The following RGS17 variants were observed in gnomAD, a reference collection of about 807,000 sequenced individuals.
The protein encoded by RGS17 is regulator of G-protein signaling 17.
RGS17 carries 12 observed loss-of-function variants against 25.5 expected under a neutral mutation model. The ratio of observed to expected loss-of-function variants is 0.47; its 90% CI spans 0.30 to 0.76. The LOEUF is 0.76. Among genes scored for constraint, RGS17 ranks in the 30% least tolerant of loss-of-function variants. The pLI is 0.07. For synonymous variants in RGS17, 71 were observed against 76.9 expected (o/e 0.92, Z 0.40); for missense variants, 196 against 242.2 (o/e 0.81, Z 1.27).
intron 1 of RGS17, among the ~76,000 whole-genome samples, chr6:153,102,105 C>T (rs1019236182): frequency 1.3e-5 from 2 of 152,186 alleles, no homozygotes; most frequent in Non-Finnish European, 2.9e-5. Flanking sequence ...TCTGCACAGT[C>T]TTCTATTAAG....
chr6:153,128,113 A>G (rs1007544759), intron 1 of RGS17, among the ~76,000 whole-genome samples: 1 of 152,200 alleles, frequency 6.6e-6, no homozygotes, highest in African/African-American at 2.4e-5. Flanking sequence ...ACCTATAGCA[A>G]AGGATTATTT....
chr6:153,120,500 T>C (rs1170541092), intron 1 of RGS17, among the ~76,000 whole-genome samples: 1 of 152,206 alleles, frequency 6.6e-6, no homozygotes, highest in Non-Finnish European at 1.5e-5. Context: ...TGCCTTTTGC[T>C]GTTTCTCAGT....
chr6:153,094,918 A>ACT (rs1777187831), intron 1 of RGS17, among the ~76,000 whole-genome samples: 1 of 117,072 alleles, frequency 8.5e-6, no homozygotes, highest in Non-Finnish European at 1.9e-5. Context: ...TTATAATTAC[A>ACT]TTCACAATAT....
chr6:153,066,217 C>T (rs767564180), intron 1 of RGS17, among the ~76,000 whole-genome samples: 18 of 152,128 alleles, frequency 1.2e-4, no homozygotes, highest in Non-Finnish European at 1.9e-4. Flanking sequence ...CAACCTACCA[C>T]GATTGAACCA....
chr6:153,023,461 T>C, intron 4 of RGS17: 1 of 396,910 alleles, frequency 2.5e-6, no homozygotes, highest in Non-Finnish European at 5.2e-6. Context: ...CCTGGCCACA[T>C]TATTAACCAC....
intron 1 of RGS17, among the ~76,000 whole-genome samples, chr6:153,058,308 A>T (rs1478790821): frequency 6.6e-6 from 1 of 152,144 alleles, no homozygotes; most frequent in African/African-American, 2.4e-5. Context: ...CATTTCACTT[A>T]TATGGTGGGA....
intron 4 of RGS17, among the ~76,000 whole-genome samples, chr6:153,017,406 C>T (rs1269904964): frequency 1.3e-5 from 2 of 151,908 alleles, no homozygotes; most frequent in Non-Finnish European, 2.9e-5. Flanking sequence ...GGAGGTAAAG[C>T]GAGGAGAATG....
At chr6:153,115,019 C>G (rs1427984193) in intron 1 of RGS17, among the ~76,000 whole-genome samples, 1 of 152,114 alleles carries the variant, frequency 6.6e-6, no homozygotes, top group African/African-American at 2.4e-5. Flanking sequence ...AAAACTGGCA[C>G]AAGACAAGGA....
chr6:153,100,726 G>C (rs1396747874), intron 1 of RGS17, among the ~76,000 whole-genome samples: 2 of 152,106 alleles, frequency 1.3e-5, no homozygotes, highest in Non-Finnish European at 2.9e-5. Context: ...GCCTAAAGCA[G>C]CCCCTTAAAT....
intron 1 of RGS17, among the ~76,000 whole-genome samples, chr6:153,076,125 C>T (rs1284900492): frequency 2.0e-5 from 3 of 152,184 alleles, no homozygotes; most frequent in African/African-American, 2.4e-5. Flanking sequence ...TATAACTATA[C>T]ATGGAAGAAT....
At chr6:153,105,218 C>T (rs981088956) in intron 1 of RGS17, among the ~76,000 whole-genome samples, 2 of 152,040 alleles carry the variant, frequency 1.3e-5, no homozygotes, top group Non-Finnish European at 2.9e-5. Flanking sequence ...CCAAATACGT[C>T]TACTTCATCG....
chr6:153,023,411 TTG>T (rs761583851), intron 4 of RGS17: 2 of 505,654 alleles, frequency 4.0e-6, no homozygotes, highest in Non-Finnish European at 8.0e-6. Context: ...TCTAAGTGCT[TTG>T]AAGCCCTCTG....
In RGS17 at chr6:153,009,787, A is replaced by T. The variant is rs1779112956; in HGVS notation, c.*1787T>A. On this transcript the variant is annotated 3_prime_UTR_variant, in exon 5 of 5. Coordinates refer to ENST00000206262, the MANE Select transcript of RGS17 (RefSeq NM_012419.5). ...GTTTTCTACTCTGCAATTTTTAAAA[A>T]ATCCCATTTTGTCAAACACTGCAAC... The T allele has an allele frequency of 6.6e-6, 1 of 151,992 alleles. No individual in the cohort carries two copies. Among genetic ancestry groups the T allele is most frequent in the South Asian group, 2.1e-4 (1 of 4,834 alleles). 9.4% of individuals were successfully genotyped at this position (151,992 alleles called of 1,614,324 possible).
At position 153,006,283 on chromosome 6, in the gene RGS17, A is replaced by G. The variant is rs549514124; in HGVS notation, c.*5291T>C. ...TTAGTCTTAGCCCTATAACTCATTT[A>G]TATATTTAGCAAGTAATTTGATATT... is the stretch of plus-strand genomic sequence containing the variant. On this transcript the variant is annotated 3_prime_UTR_variant, in exon 5 of 5. Transcript: ENST00000206262. The G allele has an allele frequency of 6.6e-6, 1 of 152,410 alleles. No homozygotes were observed. Among genetic ancestry groups the G allele is most frequent in the Non-Finnish European group, 1.5e-5 (1 of 68,032 alleles). 9.4% of individuals were successfully genotyped at this position (152,410 alleles called of 1,614,324 possible). A position where few individuals can be genotyped will look rare whatever the true frequency, so the allele number is the denominator to read the frequency against.
chr6:153,006,810 G>C lies in RGS17; in HGVS notation c.*4764C>G, dbSNP rs1161930628. 6.6e-6 allele frequency: 1 copy of C among 152,170 alleles called. No individual in the cohort carries two copies. The highest frequency in any genetic ancestry group is 1.5e-5 in the Non-Finnish European group (1 of 68,018). The allele number at this position is 152,170 out of a possible 1,614,324, so 9.4% of individuals were successfully genotyped here. On this transcript the variant is annotated 3_prime_UTR_variant, in exon 5 of 5. Coordinates refer to ENST00000206262, the MANE Select transcript of RGS17 (RefSeq NM_012419.5). ...ATTTGTCATTTGCAGATGAGGAAATGAACTCAGAGAAGATAAATGATTTGC... is the reference window on the plus strand; with the variant it reads ...ATTTGTCATTTGCAGATGAGGAAATCAACTCAGAGAAGATAAATGATTTGC...
chr6:153,040,071 C>T (rs1776302728), intron 2 of RGS17, among the ~76,000 whole-genome samples: 1 of 141,562 alleles, frequency 7.1e-6, no homozygotes, highest in Admixed American at 7.3e-5. Context: ...ATAGAGTGTC[C>T]ATTTTATGTG....
chr6:153,012,581 C>G (rs1033882766), intron 4 of RGS17, among the ~76,000 whole-genome samples: 1 of 152,142 alleles, frequency 6.6e-6, no homozygotes. Flanking sequence ...GGGAAAAATA[C>G]TTGGCAATAA....
intron 1 of RGS17, among the ~76,000 whole-genome samples, chr6:153,104,663 T>TA (rs1341226234): frequency 1.3e-5 from 2 of 152,096 alleles, no homozygotes; most frequent in Non-Finnish European, 2.9e-5. Flanking sequence ...ATAAAATACC[T>TA]AAAATCACAT....
At chr6:153,034,248 G>A (rs1200492652) in intron 2 of RGS17, among the ~76,000 whole-genome samples, 1 of 152,144 alleles carries the variant, frequency 6.6e-6, no homozygotes, top group Admixed American at 6.6e-5. Context: ...ATCTTGATCT[G>A]TAGAGAAACA....
Sources: allele counts gnomAD v4.1 joint callset (sites outside exome capture counted in the v4.1 genomes callset), GRCh38; gene constraint gnomAD v4.1.1; transcripts MANE v1.5; gene names NCBI Gene and HGNC (gene_info 2026-07-23, HGNC 2026-07-21).